Variants in LRCH2 observed in about 807,000 individuals in gnomAD.
LRCH2 encodes the protein leucine rich repeats and calponin homology domain containing 2.
In LRCH2, 38 loss-of-function variants were observed where a neutral mutation model predicts 68.9. That is an observed-to-expected ratio of 0.55 (90% CI 0.43 to 0.72). The LOEUF (loss-of-function observed/expected upper bound fraction) is 0.72. LRCH2 is among the 30% of genes least tolerant of loss of function. The pLI, the probability that LRCH2 is intolerant of heterozygous loss-of-function variation, is 0.00. For missense variants in LRCH2, 528 were observed against 572.9 expected, an observed-to-expected ratio of 0.92 and a Z score of 0.80; for synonymous variants, 191 against 208.1, an observed-to-expected ratio of 0.92 and a Z score of 0.71.
intron 1 of LRCH2, among the ~76,000 whole-genome samples, chrX:115,223,521 T>C (rs2073098877): frequency 9.0e-6 from 1 of 110,917 alleles, no homozygotes; most frequent in African/African-American, 3.3e-5. Context: ...AGGGTCCTAA[T>C]AGACATTTTG....
At chrX:115,155,793 T>C (rs2072470116) in intron 12 of LRCH2, among the ~76,000 whole-genome samples, 2 of 111,547 alleles carry the variant, frequency 1.8e-5, no homozygotes, top group Admixed American at 1.9e-4. Context: ...CCCAAGAGAA[T>C]GAAGAAAGAA....
At position 115,174,076 on chromosome X, in the gene LRCH2, T is replaced by C. The variant is rs2072625914; in HGVS notation, c.865-3644A>G. ...TTTTTTGTGATTCCAAAGTTATACA[T>C]GGATTTTTTACAGTATGCAGGGTTC... is the stretch of plus-strand genomic sequence containing the variant. On this transcript the variant is annotated intron_variant, in intron 5 of 20. Transcript: ENST00000317135. Among the ~76,000 whole-genome samples, 4 of 111,488 alleles carry C rather than the reference T, an allele frequency of 3.6e-5. No homozygotes were observed. The South Asian group carries it at 1.5e-3, about 42-fold the overall frequency.
intron 3 of LRCH2, among the ~76,000 whole-genome samples, chrX:115,183,052 A>G (rs2072705404): frequency 9.2e-6 from 1 of 108,832 alleles, no homozygotes; most frequent in African/African-American, 3.4e-5. Flanking sequence ...ACAGTCACGC[A>G]TGCACACGCA....
At position 115,233,617 on chromosome X, in the gene LRCH2, A is replaced by G. The variant is rs1168392637; in HGVS notation, c.349+76T>C. 4 of 1,014,251 alleles carry G rather than the reference A, an allele frequency of 3.9e-6. No homozygotes were observed. The African/African-American group carries it at 5.8e-5, about 15-fold the overall frequency. 83.6% of individuals were successfully genotyped at this position (1,014,251 alleles called of 1,213,427 possible). A position where few individuals can be genotyped will look rare whatever the true frequency, so the allele number is the denominator to read the frequency against. On this transcript the variant is annotated intron_variant, in intron 1 of 20. Coordinates refer to ENST00000317135, the MANE Select transcript of LRCH2 (RefSeq NM_020871.4). ...CACCCGCCCAGACCCGCAGAGTCCAACAACGCAGCCACGCAGCCACCCACT... is the reference window on the plus strand; with the variant it reads ...CACCCGCCCAGACCCGCAGAGTCCAGCAACGCAGCCACGCAGCCACCCACT...
In LRCH2 at chrX:115,165,347, A is replaced by G. The variant is rs782796878; in HGVS notation, c.1355+58T>C. The G allele has an allele frequency of 6.1e-6, 5 of 821,695 alleles. No homozygotes were observed. The African/African-American group carries it at 6.3e-5, about 10-fold the overall frequency. 67.7% of individuals were successfully genotyped at this position (821,695 alleles called of 1,213,427 possible). On this transcript the variant is annotated intron_variant, in intron 10 of 20. Coordinates refer to ENST00000317135, the MANE Select transcript of LRCH2 (RefSeq NM_020871.4). ...TTTTCAAGTACTCTTTCAAGTAGGA[A>G]TATCTAATGAATGGCTCAAGGGCTT...
At chrX:115,160,910 G>C (rs1006206033) in intron 11 of LRCH2, among the ~76,000 whole-genome samples, 1 of 111,978 alleles carries the variant, frequency 8.9e-6, no homozygotes, top group Non-Finnish European at 1.9e-5. Flanking sequence ...CTAAGCAATA[G>C]TAACATATTG....
At chrX:115,125,597 A>G (rs2072189023) in intron 16 of LRCH2, among the ~76,000 whole-genome samples, 1 of 21,107 alleles carries the variant, frequency 4.7e-5, no homozygotes, top group Non-Finnish European at 7.3e-5. Context: ...ATATATACAC[A>G]TATATATACG....
chrX:115,233,740 C>T lies in LRCH2; in HGVS notation c.302G>A (p.Arg101Gln), dbSNP rs1556579202. The T allele has an allele frequency of 8.5e-7, 1 of 1,182,183 alleles. No individual in the cohort carries two copies. Among genetic ancestry groups the T allele is most frequent in the South Asian group, 1.9e-5 (1 of 53,246 alleles). The change falls in exon 1 of 21, where the codon CGA (arginine) becomes CAA (glutamine). Residue 101 changes from arginine (R) to glutamine (Q), a missense_variant. By Grantham distance (43) the Arg-to-Gln change is conservative (BLOSUM62 1). Transcript: ENST00000317135. ...GILSLSGRKL[R>Q]DFPGSGYDLT... ...GTCGTAGCCGCTGCCCGGGAAGTCT[C>T]GGAGTTTCCGACCACTGAGGCTCAG...
At chrX:115,218,843 T>C (rs1203476075) in intron 1 of LRCH2, among the ~76,000 whole-genome samples, 5 of 112,126 alleles carry the variant, frequency 4.5e-5, no homozygotes, top group African/African-American at 6.5e-5. Flanking sequence ...TCGATAAATC[T>C]CAGCTTTTGC....
At chrX:115,131,792 G>C (rs1269978632) in intron 14 of LRCH2, among the ~76,000 whole-genome samples, 1 of 111,580 alleles carries the variant, frequency 9.0e-6, no homozygotes, top group African/African-American at 3.3e-5. Flanking sequence ...TTTAATGATC[G>C]CCATTCTAAC....
chrX:115,132,737 A>G (rs2072256990), intron 14 of LRCH2, among the ~76,000 whole-genome samples: 1 of 111,741 alleles, frequency 8.9e-6, no homozygotes, highest in African/African-American at 3.2e-5. Context: ...TGAAATTGGC[A>G]CGTGTGAAAA....
intron 1 of LRCH2, among the ~76,000 whole-genome samples, chrX:115,217,655 T>C (rs927972767): frequency 4.5e-5 from 5 of 112,146 alleles, no homozygotes; most frequent in Non-Finnish European, 7.5e-5. Flanking sequence ...TGGTTCCAAG[T>C]CTTTGCTATT....
At chrX:115,121,015 C>G (rs1258226037) in intron 20 of LRCH2, among the ~76,000 whole-genome samples, 2 of 73,403 alleles carry the variant, frequency 2.7e-5, no homozygotes, top group African/African-American at 5.4e-5. Context: ...ACTCTGGGGT[C>G]TGTTGTGGGG....
At chrX:115,210,347 G>A (rs1317948191) in intron 1 of LRCH2, among the ~76,000 whole-genome samples, 2 of 111,681 alleles carry the variant, frequency 1.8e-5, no homozygotes, top group Non-Finnish European at 1.9e-5. Context: ...GACTATAAGG[G>A]GCCAAGGTAC....
intron 2 of LRCH2, 101 bp from the exon 3 acceptor site, chrX:115,184,638 G>A: frequency 1.3e-6 from 1 of 764,589 alleles, no homozygotes; most frequent in Non-Finnish European, 1.8e-6. Flanking sequence ...CTATCACTAA[G>A]TAATAACTTA....
At chrX:115,193,698 A>G (rs782407978) in intron 1 of LRCH2, among the ~76,000 whole-genome samples, 6 of 111,470 alleles carry the variant, frequency 5.4e-5, no homozygotes, top group Non-Finnish European at 1.1e-4. Flanking sequence ...ACCACTGTGG[A>G]CCTTTTTGGT....
intron 3 of LRCH2, among the ~76,000 whole-genome samples, chrX:115,181,012 G>A (rs782080362): frequency 1.2e-4 from 13 of 111,297 alleles, no homozygotes; most frequent in Non-Finnish European, 2.3e-4. Flanking sequence ...TAGTGGGGAG[G>A]GATACTACTT....
intron 2 of LRCH2, among the ~76,000 whole-genome samples, chrX:115,187,252 G>A (rs1443541532): frequency 8.9e-6 from 1 of 111,865 alleles, no homozygotes; most frequent in African/African-American, 3.3e-5. Flanking sequence ...TATCATTTAT[G>A]TATATTAATT....
intron 5 of LRCH2, among the ~76,000 whole-genome samples, chrX:115,175,113 G>A (rs1410930325): frequency 8.9e-6 from 1 of 112,013 alleles, no homozygotes; most frequent in African/African-American, 3.2e-5. Flanking sequence ...ACACGTGGAG[G>A]TGCCTGGAAG....
Sources: gnomAD v4.1 joint callset for allele counts (sites outside exome capture counted in the v4.1 genomes callset) on GRCh38, gnomAD v4.1.1 for gene constraint, MANE v1.5 for transcripts, NCBI Gene and HGNC (gene_info 2026-07-23, HGNC 2026-07-21) for gene names.